Variants in CDK14 observed in about 807,000 individuals in gnomAD.
CDK14 encodes cyclin-dependent kinase 14.
In CDK14, 34 loss-of-function variants were observed where a neutral mutation model predicts 60.7. The observed-to-expected ratio is 0.56, with a 90% confidence interval of 0.43 to 0.75. The LOEUF is 0.75. Ranked by LOEUF, CDK14 falls within the 30% of genes least tolerant of loss-of-function variation. The pLI is 0.00. For synonymous variants in CDK14, 197 were observed against 203.7 expected (o/e 0.97, Z 0.28); for missense variants, 482 against 564.1 (o/e 0.85, Z 1.47).
intron 10 of CDK14, among the ~76,000 whole-genome samples, chr7:91,038,230 T>C (rs1796987691): frequency 6.6e-6 from 1 of 152,374 alleles, no homozygotes; most frequent in African/African-American, 2.4e-5. Flanking sequence ...AAAAGGTTAG[T>C]TTAACATGAC....
chr7:91,172,410 G>A (rs777625150), intron 14 of CDK14, among the ~76,000 whole-genome samples: 6 of 152,064 alleles, frequency 3.9e-5, no homozygotes, highest in Non-Finnish European at 7.4e-5. Context: ...CCTTAGCTGA[G>A]GCCCTCTTTA....
chr7:90,913,228 G>A (rs1019966014), intron 7 of CDK14, among the ~76,000 whole-genome samples: 10 of 152,150 alleles, frequency 6.6e-5, no homozygotes, highest in Non-Finnish European at 7.3e-5. Context: ...TTGTCTAGAA[G>A]AACTCGCTAA....
Position 90,955,853 on chromosome 7 carries a change from T to C in CDK14, c.947+36T>C, listed in dbSNP as rs1356004759. On this transcript the variant is annotated intron_variant, in intron 9 of 14. Coordinates refer to ENST00000380050, the MANE Select transcript of CDK14 (RefSeq NM_001287135.2). ...GAAGCTTTACTCTAGCTAATCTATC[T>C]GTAGTGCTTGGTCTGGGTCAAGCCT... The C allele has an allele frequency of 3.7e-6, 6 of 1,609,002 alleles. No homozygotes were observed. The Admixed American group carries it at 8.4e-5, about 22-fold the overall frequency.
intron 2 of CDK14, among the ~76,000 whole-genome samples, chr7:90,716,992 A>G (rs191700181): frequency 9.2e-5 from 14 of 152,200 alleles, no homozygotes; most frequent in African/African-American, 3.1e-4. Context: ...GCCAGTCTGC[A>G]AGCAGCAAGG....
At chr7:91,133,044 T>A (rs992358589) in intron 14 of CDK14, among the ~76,000 whole-genome samples, 1 of 152,156 alleles carries the variant, frequency 6.6e-6, no homozygotes, top group Non-Finnish European at 1.5e-5. Flanking sequence ...ATATTTCATA[T>A]ATTAAGATAC....
Position 90,691,678 on chromosome 7 carries a change from A to T in CDK14, c.124-34889A>T, listed in dbSNP as rs541718840. 3.3e-5 allele frequency among the ~76,000 whole-genome samples: 5 copies of T among 152,260 alleles called. No homozygotes were observed. In the East Asian group the frequency reaches 9.6e-4, roughly 29 times the overall value. Reference sequence around the variant, plus strand: ...TGACTTTTTCAGCTATTCTGAGAAGAAGACAGTAGGGAGTAGCAGGAAACC... The same window carrying T: ...TGACTTTTTCAGCTATTCTGAGAAGTAGACAGTAGGGAGTAGCAGGAAACC... On this transcript the variant is annotated intron_variant, in intron 2 of 14. Coordinates refer to ENST00000380050, the MANE Select transcript of CDK14 (RefSeq NM_001287135.2).
In CDK14 at chr7:90,724,204, T is replaced by C. The variant is rs1584823783; in HGVS notation, c.124-2363T>C. Among the ~76,000 whole-genome samples the C allele has an allele frequency of 3.3e-5, 5 of 152,258 alleles. No homozygotes were observed. The South Asian group carries it at 1.0e-3, about 32-fold the overall frequency. On this transcript the variant is annotated intron_variant, in intron 2 of 14. Coordinates refer to ENST00000380050, the MANE Select transcript of CDK14 (RefSeq NM_001287135.2). ...TTTCAAATAATTGGTTTCATCTAAGTTGTGGAATTTATTGGCACAATGTTG... is the reference window on the plus strand; with the variant it reads ...TTTCAAATAATTGGTTTCATCTAAGCTGTGGAATTTATTGGCACAATGTTG...
intron 12 of CDK14, among the ~76,000 whole-genome samples, chr7:91,110,797 A>G (rs1168731669): frequency 6.6e-6 from 1 of 152,188 alleles, no homozygotes; most frequent in African/African-American, 2.4e-5. Flanking sequence ...AAACTATATA[A>G]AATTGATATG....
intron 4 of CDK14, among the ~76,000 whole-genome samples, chr7:90,756,103 T>G (rs746292729): frequency 3.3e-5 from 5 of 152,236 alleles, no homozygotes; most frequent in African/African-American, 1.2e-4. Context: ...GCTATCATTT[T>G]CCTAATCAGT....
At chr7:90,685,711 C>T (rs1402584838) in intron 2 of CDK14, among the ~76,000 whole-genome samples, 1 of 140,194 alleles carries the variant, frequency 7.1e-6, no homozygotes, top group Admixed American at 7.8e-5. Context: ...CCCAGTCTGC[C>T]CTTGAACTCC....
chr7:90,628,137 T>G (rs1483121838), intron 2 of CDK14, among the ~76,000 whole-genome samples: 1 of 152,030 alleles, frequency 6.6e-6, no homozygotes, highest in Non-Finnish European at 1.5e-5. Context: ...TTTTTATTTT[T>G]GTAGAGACGG....
chr7:90,682,608 C>T (rs1029106116), intron 2 of CDK14, among the ~76,000 whole-genome samples: 4 of 152,150 alleles, frequency 2.6e-5, no homozygotes, highest in African/African-American at 7.2e-5. Context: ...ACCTCAGATA[C>T]GATACTTATT....
chr7:91,142,476 T>C (rs916769593), intron 14 of CDK14, among the ~76,000 whole-genome samples: 3 of 152,226 alleles, frequency 2.0e-5, no homozygotes, highest in Non-Finnish European at 4.4e-5. Context: ...CTGTTGTCCG[T>C]GTCAAATGTA....
At chr7:90,627,314 AT>A (rs1395242960) in intron 2 of CDK14, among the ~76,000 whole-genome samples, 1 of 151,526 alleles carries the variant, frequency 6.6e-6, no homozygotes, top group Non-Finnish European at 1.5e-5. Context: ...AGCTCAAGTG[AT>A]TTTCCCACCT....
At position 90,812,656 on chromosome 7, in the gene CDK14, C is replaced by T. The variant is rs148293078; in HGVS notation, c.544+22004C>T. ...GAAATATATGAATGGCTAATAAGAC[C>T]ATGCAATGGTTTTCAAAGTTGTTAA... On this transcript the variant is annotated intron_variant, in intron 5 of 14. Coordinates refer to ENST00000380050, the MANE Select transcript of CDK14 (RefSeq NM_001287135.2). 6.0e-3 allele frequency among the ~76,000 whole-genome samples: 906 copies of T among 152,002 alleles called. 8 individuals are homozygous for T. The highest frequency in any genetic ancestry group is 0.021 in the African/African-American group (856 of 41,458).
intron 6 of CDK14, among the ~76,000 whole-genome samples, chr7:90,880,224 C>T (rs1791701575): frequency 1.3e-5 from 2 of 152,226 alleles, no homozygotes; most frequent in South Asian, 4.1e-4. Flanking sequence ...GCTGTCATTT[C>T]TATAGCTCCA....
intron 11 of CDK14, among the ~76,000 whole-genome samples, chr7:91,068,464 A>G (rs1422458641): frequency 6.6e-6 from 1 of 152,210 alleles, no homozygotes; most frequent in Non-Finnish European, 1.5e-5. Flanking sequence ...TACCTTCTGA[A>G]TTACCACAGA....
At chr7:90,985,916 G>C (rs1270765916) in intron 10 of CDK14, among the ~76,000 whole-genome samples, 1 of 151,738 alleles carries the variant, frequency 6.6e-6, no homozygotes, top group South Asian at 2.1e-4. Flanking sequence ...ATGTTAACAT[G>C]ATTATAAAAA....
Position 90,961,305 on chromosome 7 carries a change from C to T in CDK14, c.947+5488C>T, listed in dbSNP as rs561259786. Among the ~76,000 whole-genome samples, 3 of 152,160 alleles carry T rather than the reference C, an allele frequency of 2.0e-5. No individual in the cohort carries two copies. In the South Asian group the frequency reaches 6.2e-4, roughly 32 times the overall value. On this transcript the variant is annotated intron_variant, in intron 9 of 14. Coordinates refer to ENST00000380050, the MANE Select transcript of CDK14 (RefSeq NM_001287135.2). Reference sequence around the variant, plus strand: ...AACAGTCTTTGGACTGTTTTTCTCTCCTGACATTGTTTTAAGACATTTTAC... The same window carrying T: ...AACAGTCTTTGGACTGTTTTTCTCTTCTGACATTGTTTTAAGACATTTTAC...
Sources: allele counts gnomAD v4.1 joint callset (sites outside exome capture counted in the v4.1 genomes callset), GRCh38; gene constraint gnomAD v4.1.1; transcripts MANE v1.5; gene names NCBI Gene and HGNC (gene_info 2026-07-23, HGNC 2026-07-21).